Variants in ANO1 observed in about 807,000 individuals in gnomAD.
The protein encoded by ANO1 is anoctamin 1, also known as anoctamin-1.
Under a neutral mutation model 124.0 loss-of-function variants are expected in ANO1, and 59 were observed. That is an observed-to-expected ratio of 0.48 (90% CI 0.39 to 0.59). The LOEUF (loss-of-function observed/expected upper bound fraction) is 0.59, where lower values mean the gene tolerates loss of function less well. ANO1 is among the 20% of genes least tolerant of loss of function. The pLI is 0.00. For missense variants in ANO1, 1,059 were observed against 1,328.0 expected (o/e 0.80, Z 3.15); for synonymous variants, 529 against 532.0 (o/e 0.99, Z 0.08).
At chr11:70,105,586 G>T (rs572439236) in intron 4 of ANO1, 148 bp from the exon 5 acceptor site, 2 of 698,438 alleles carry the variant, frequency 2.9e-6, no homozygotes, top group East Asian at 2.7e-5. Flanking sequence ...GCCCAGGGGC[G>T]GACGGGTCAT....
chr11:69,975,762 C>G, the ANO1 span, among the ~76,000 whole-genome samples: 1 of 152,244 alleles, frequency 6.6e-6, no homozygotes, highest in African/African-American at 2.4e-5. Flanking sequence ...GCCAGCGAAA[C>G]CTGTCACCAC....
intron 12 of ANO1, among the ~76,000 whole-genome samples, chr11:70,151,506 G>T (rs1017247995): frequency 1.3e-5 from 2 of 152,292 alleles, no homozygotes; most frequent in East Asian, 3.9e-4. Context: ...AATTTCAAAT[G>T]TCCCTTCTGT....
intron 6 of ANO1, among the ~76,000 whole-genome samples, chr11:70,109,516 T>G (rs987290611): frequency 4.6e-5 from 7 of 152,110 alleles, no homozygotes; most frequent in African/African-American, 1.4e-4. Context: ...TCCTCTAGAA[T>G]GGCCAAGCCC....
chr11:70,139,893 G>A (rs969452108), intron 11 of ANO1, among the ~76,000 whole-genome samples: 1 of 152,202 alleles, frequency 6.6e-6, no homozygotes, highest in African/African-American at 2.4e-5. Flanking sequence ...TCCGGCTGGC[G>A]TGTGTGCTGA....
intron 11 of ANO1, among the ~76,000 whole-genome samples, chr11:70,133,712 A>C (rs148753715): frequency 2.0e-5 from 3 of 152,352 alleles, no homozygotes; most frequent in East Asian, 1.9e-4. Context: ...AAGCCGAGGA[A>C]GCCGACAGGC....
chr11:70,078,980 C>T (rs1366572486), intron 1 of ANO1, among the ~76,000 whole-genome samples: 1 of 152,026 alleles, frequency 6.6e-6, no homozygotes, highest in Non-Finnish European at 1.5e-5. Flanking sequence ...AGGCATGGCC[C>T]GGCCTCGGAG....
At chr11:70,098,547 A>G (rs937446531) in intron 2 of ANO1, among the ~76,000 whole-genome samples, 4 of 152,210 alleles carry the variant, frequency 2.6e-5, no homozygotes, top group African/African-American at 7.2e-5. Context: ...CCAGACATCC[A>G]TAGTGAACAA....
intron 1 of ANO1, among the ~76,000 whole-genome samples, chr11:70,021,967 C>T (rs1555002665): frequency 1.3e-5 from 2 of 152,174 alleles, no homozygotes; most frequent in African/African-American, 4.8e-5. Context: ...CAGACGAAAC[C>T]AAGCATAAGG....
chr11:70,034,664 G>A (rs1480258181), intron 1 of ANO1, among the ~76,000 whole-genome samples: 1 of 152,136 alleles, frequency 6.6e-6, no homozygotes, highest in Non-Finnish European at 1.5e-5. Flanking sequence ...CATATACAGA[G>A]GATATAGGCA....
chr11:70,018,799 G>A (rs1856745702), intron 1 of ANO1, among the ~76,000 whole-genome samples: 1 of 152,224 alleles, frequency 6.6e-6, no homozygotes, highest in South Asian at 2.1e-4. Context: ...GTCTGTGCCA[G>A]CAAGAGACCA....
Position 70,078,582 on chromosome 11 carries a change from C to A in ANO1, c.-25C>A. The A allele has an allele frequency of 1.4e-6, 2 of 1,428,086 alleles. No individual in the cohort carries two copies. The highest frequency in any genetic ancestry group is 9.3e-7 in the Non-Finnish European group (1 of 1,072,290). The allele number at this position is 1,428,086 out of a possible 1,614,324, so 88.5% of individuals were successfully genotyped here. The stretch of plus-strand genomic sequence containing the variant: ...TGGATGGGGAGGGCGCGCCGCCCGG[C>A]GGTCCCAGCGCACAGGCGGCCACGA... On this transcript the variant is annotated 5_prime_UTR_variant, in exon 1 of 26. Transcript: ENST00000355303.
chr11:70,011,080 A>G (rs1294920667), intron 1 of ANO1, among the ~76,000 whole-genome samples: 4 of 152,216 alleles, frequency 2.6e-5, no homozygotes, highest in Admixed American at 2.6e-4. Flanking sequence ...CATGATATGT[A>G]GAAGAGTACA....
intron 2 of ANO1, among the ~76,000 whole-genome samples, chr11:70,090,908 G>A (rs2044601449): frequency 6.6e-6 from 1 of 152,230 alleles, no homozygotes; most frequent in African/African-American, 2.4e-5. Context: ...CTGAAGTTGA[G>A]ATGTTCCCAC....
chr11:70,025,060 A>G (rs1406764066), intron 1 of ANO1, among the ~76,000 whole-genome samples: 1 of 152,168 alleles, frequency 6.6e-6, no homozygotes, highest in Non-Finnish European at 1.5e-5. Context: ...GAAAATGAAA[A>G]TAAAAGCCTT....
At position 70,103,174 on chromosome 11, in the gene ANO1, G is replaced by T; in HGVS notation, c.540+10G>T. On this transcript the variant is annotated intron_variant, in intron 3 of 25. Transcript: ENST00000355303. ...GATGCCGACGAAGAAGGTTGGTGTT[G>T]ATGGTCCTGCTCCGAAATGAATCGC... is the stretch of plus-strand genomic sequence containing the variant. The T allele has an allele frequency of 5.0e-6, 8 of 1,603,796 alleles. No homozygotes were observed. Among genetic ancestry groups the T allele is most frequent in the Non-Finnish European group, 6.8e-6 (8 of 1,174,660 alleles).
intron 10 of ANO1, among the ~76,000 whole-genome samples, chr11:70,127,974 C>T (rs1043066343): frequency 1.3e-5 from 2 of 152,178 alleles, no homozygotes; most frequent in South Asian, 2.1e-4. Context: ...GGTTATTTTT[C>T]GAACCACTCC....
In ANO1 at chr11:70,161,687, G is replaced by A; in HGVS notation, c.1846G>A (p.Val616Met). The A allele has an allele frequency of 6.2e-7, 1 of 1,614,032 alleles. No individual in the cohort carries two copies. Among genetic ancestry groups the A allele is most frequent in the Non-Finnish European group, 8.5e-7 (1 of 1,179,894 alleles). The change falls in exon 18 of 26, where the codon GTG becomes ATG. Residue 616 changes from valine (V) to methionine (M), a missense_variant. By Grantham distance (21) the Val-to-Met change is conservative. Transcript: ENST00000355303. ...LIFKAFLLKF[V>M]NSYTPIFYVA... ...CTTCAAGGCTTTCCTGCTGAAGTTT[G>A]TGAATTCCTACACCCCCATCTTTTA...
chr11:70,017,165 C>T (rs928523412), intron 1 of ANO1, among the ~76,000 whole-genome samples: 1 of 152,134 alleles, frequency 6.6e-6, no homozygotes, highest in Non-Finnish European at 1.5e-5. Context: ...TCTCCCCATC[C>T]GGAGGAGGAT....
intron 8 of ANO1, among the ~76,000 whole-genome samples, chr11:70,117,353 G>C (rs538926120): frequency 7.2e-5 from 11 of 152,134 alleles, no homozygotes; most frequent in Admixed American, 5.2e-4. Context: ...TTACAAGCGT[G>C]AGTCACCGCA....
Sources: gnomAD v4.1 joint callset for allele counts (sites outside exome capture counted in the v4.1 genomes callset) on GRCh38, gnomAD v4.1.1 for gene constraint, MANE v1.5 for transcripts, NCBI Gene and HGNC (gene_info 2026-07-23, HGNC 2026-07-21) for gene names.